LMCD1: variants seen among roughly 807,000 people sequenced by gnomAD.
The protein encoded by LMCD1 is LIM and cysteine rich domains 1.
A neutral mutation model predicts 42.7 loss-of-function variants in LMCD1; 32 were observed. The ratio of observed to expected loss-of-function variants is 0.75; its 90% CI spans 0.57 to 1.01. The LOEUF (loss-of-function observed/expected upper bound fraction) is 1.01, where lower values mean the gene tolerates loss of function less well. LMCD1 is among the 50% of genes least tolerant of loss of function. The probability of loss-of-function intolerance (pLI) is 0.00; values close to 1 mark genes in which losing one functional copy is unlikely to be tolerated. For missense variants in LMCD1, 458 were observed against 483.1 expected, an observed-to-expected ratio of 0.95 and a Z score of 0.49; for synonymous variants, 178 against 184.9, an observed-to-expected ratio of 0.96 and a Z score of 0.30.
intron 4 of LMCD1, among the ~76,000 whole-genome samples, chr3:8,554,695 G>GAGC (rs1694899892): frequency 6.6e-6 from 1 of 152,184 alleles, no homozygotes; most frequent in East Asian, 1.9e-4. Flanking sequence ...ATGGGCCCCT[G>GAGC]AGCTGGGTGG....
chr3:8,528,036 A>G (rs150666267), intron 1 of LMCD1, among the ~76,000 whole-genome samples: 3 of 152,322 alleles, frequency 2.0e-5, no homozygotes, highest in East Asian at 3.9e-4. Context: ...TTGTGTCTCT[A>G]TTGGACCAAG....
chr3:8,502,770 T>A (rs1693788848), intron 1 of LMCD1, among the ~76,000 whole-genome samples: 1 of 152,088 alleles, frequency 6.6e-6, no homozygotes, highest in Non-Finnish European at 1.5e-5. Flanking sequence ...CGGCTGTGCC[T>A]ATAGCTCCAA....
At chr3:8,525,265 T>C (rs1366478327) in intron 1 of LMCD1, among the ~76,000 whole-genome samples, 1 of 152,192 alleles carries the variant, frequency 6.6e-6, no homozygotes, top group South Asian at 2.1e-4. Context: ...TATTTTAGAT[T>C]CCACATATAA....
intron 3 of LMCD1, among the ~76,000 whole-genome samples, chr3:8,545,171 A>G (rs898241428): frequency 2.0e-5 from 3 of 152,236 alleles, no homozygotes; most frequent in Non-Finnish European, 4.4e-5. Flanking sequence ...CCTTATGTCC[A>G]TAATGATTTA....
At chr3:8,544,843 T>C (rs1041914359) in intron 3 of LMCD1, among the ~76,000 whole-genome samples, 2 of 152,172 alleles carry the variant, frequency 1.3e-5, no homozygotes, top group African/African-American at 4.8e-5. Flanking sequence ...GTACTAAGGT[T>C]CAGAGTCAGG....
chr3:8,530,582 A>G (rs1314576860), intron 1 of LMCD1, among the ~76,000 whole-genome samples: 1 of 152,216 alleles, frequency 6.6e-6, no homozygotes, highest in African/African-American at 2.4e-5. Flanking sequence ...CCACTTGGAA[A>G]TGCTTCCACC....
chr3:8,533,259 T>C (rs1574958966), intron 2 of LMCD1, among the ~76,000 whole-genome samples: 2 of 152,234 alleles, frequency 1.3e-5, no homozygotes, highest in African/African-American at 4.8e-5. Context: ...GGTCATTCTG[T>C]CCACAGTACT....
rs1302952126 is a variant in LMCD1 at position 8,502,828 on chromosome 3, G to C, written c.42+848G>C. ...TGCAGCTGGGAGAAGGCACAGGCTG[G>C]AGACTTAGAGAACATGTGAACGGGA... On this transcript the variant is annotated intron_variant, in intron 1 of 5. Transcript: ENST00000157600. Among the ~76,000 whole-genome samples, 3 of 152,280 alleles carry C rather than the reference G, an allele frequency of 2.0e-5. No individual in the cohort carries two copies. The East Asian group carries it at 5.8e-4, about 29-fold the overall frequency.
At chr3:8,554,827 C>T (rs1308458660) in intron 4 of LMCD1, among the ~76,000 whole-genome samples, 3 of 152,162 alleles carry the variant, frequency 2.0e-5, no homozygotes, top group Non-Finnish European at 4.4e-5. Context: ...GGTCATTTTG[C>T]CCAGGAATTT....
intron 4 of LMCD1, among the ~76,000 whole-genome samples, chr3:8,554,125 G>A (rs1694888790): frequency 6.6e-6 from 1 of 152,098 alleles, no homozygotes. Context: ...GCTCACTGCA[G>A]CCACAAACTC....
intron 4 of LMCD1, among the ~76,000 whole-genome samples, chr3:8,556,098 A>G (rs180856060): frequency 6.6e-6 from 1 of 152,206 alleles, no homozygotes; most frequent in Non-Finnish European, 1.5e-5. Context: ...GACGATGATG[A>G]TGATGCTGTC....
chr3:8,518,503 C>A (rs541514478), intron 1 of LMCD1, among the ~76,000 whole-genome samples: 2 of 152,282 alleles, frequency 1.3e-5, no homozygotes, highest in Admixed American at 6.5e-5. Context: ...ATGAGGAAAA[C>A]TGGGTTCTGC....
chr3:8,549,141 A>C (rs1694794596), intron 4 of LMCD1, among the ~76,000 whole-genome samples: 1 of 152,180 alleles, frequency 6.6e-6, no homozygotes, highest in Non-Finnish European at 1.5e-5. Flanking sequence ...AAACCGAAAC[A>C]GTTTAGAGAA....
At chr3:8,532,030 T>A (rs1694422013) in intron 1 of LMCD1, among the ~76,000 whole-genome samples, 2 of 152,198 alleles carry the variant, frequency 1.3e-5, no homozygotes, top group Non-Finnish European at 1.5e-5. Flanking sequence ...TCAAACAGGC[T>A]GGAGTCGGGT....
intron 1 of LMCD1, among the ~76,000 whole-genome samples, chr3:8,525,980 C>T (rs972749613): frequency 1.2e-4 from 18 of 152,180 alleles, no homozygotes; most frequent in Admixed American, 3.3e-4. Flanking sequence ...ATACTCAAAG[C>T]GTGGTCCCTG....
chr3:8,533,330 G>A (rs1694448074), intron 2 of LMCD1, among the ~76,000 whole-genome samples: 1 of 152,154 alleles, frequency 6.6e-6, no homozygotes, highest in South Asian at 2.1e-4. Flanking sequence ...AGCTGGAGTT[G>A]GATTCGCAGA....
At chr3:8,529,559 C>G (rs1694372377) in intron 1 of LMCD1, among the ~76,000 whole-genome samples, 1 of 152,148 alleles carries the variant, frequency 6.6e-6, no homozygotes, top group African/African-American at 2.4e-5. Context: ...TGATTGGTAG[C>G]AGAGCACCGC....
At chr3:8,535,860 T>C (rs1179686836) in intron 2 of LMCD1, among the ~76,000 whole-genome samples, 1 of 152,218 alleles carries the variant, frequency 6.6e-6, no homozygotes, top group African/African-American at 2.4e-5. Flanking sequence ...TAATTCTTTG[T>C]TGTTGGAGCT....
At chr3:8,542,762 C>A (rs1478095734) in intron 3 of LMCD1, among the ~76,000 whole-genome samples, 1 of 152,224 alleles carries the variant, frequency 6.6e-6, no homozygotes, top group Non-Finnish European at 1.5e-5. Flanking sequence ...CACATACTAG[C>A]TGTGTGACCT....
Sources: allele counts gnomAD v4.1 joint callset (sites outside exome capture counted in the v4.1 genomes callset), GRCh38; gene constraint gnomAD v4.1.1; transcripts MANE v1.5; gene names NCBI Gene and HGNC (gene_info 2026-07-23, HGNC 2026-07-21).